DGUOK: variants seen among roughly 807,000 people sequenced by gnomAD.
DGUOK encodes deoxyguanosine kinase, mitochondrial.
Under a neutral mutation model 36.6 loss-of-function variants are expected in DGUOK, and 30 were observed. The observed-to-expected ratio is 0.82, with a 90% CI of 0.61 to 1.11. The LOEUF (loss-of-function observed/expected upper bound fraction) is 1.11, where lower values mean the gene tolerates loss of function less well. Ranked by LOEUF, DGUOK falls within the 50% of genes most tolerant of loss-of-function variation. The pLI is 0.00. For synonymous variants in DGUOK, 145 were observed against 126.3 expected, an observed-to-expected ratio of 1.15 and a Z score of -0.99; for missense variants, 361 against 336.4, an observed-to-expected ratio of 1.07 and a Z score of -0.57.
In DGUOK at chr2:73,927,035, C is replaced by A. The variant is rs764929207; in HGVS notation, c.125C>A (p.Ser42Tyr). Reference protein sequence around the residue: ...LHAGRGPRRLSIEGNIAVGKS... With the variant: ...LHAGRGPRRLYIEGNIAVGKS... ...GCGGGGCGCGGGCCCCGAAGGCTCT[C>A]CATCGAAGGCAACATTGGTAAGGGC... The change falls in exon 1 of 7, where the codon TCC (serine) becomes TAC (tyrosine). Residue 42 changes from serine to tyrosine, a missense_variant. Transcript: ENST00000264093. 2.5e-6 allele frequency: 4 copies of A among 1,609,770 alleles called. No homozygotes were observed. The East Asian group carries it at 8.9e-5, about 36-fold the overall frequency.
At chr2:73,931,204 G>A (rs959591829) in intron 1 of DGUOK, among the ~76,000 whole-genome samples, 1 of 152,224 alleles carries the variant, frequency 6.6e-6, no homozygotes. Flanking sequence ...AAGTGTTTCA[G>A]CCATAGAAAG....
At chr2:73,938,086 G>A (rs773709065) in intron 1 of DGUOK, among the ~76,000 whole-genome samples, 34 of 152,202 alleles carry the variant, frequency 2.2e-4, no homozygotes, top group Non-Finnish European at 4.1e-4. Flanking sequence ...TCCCTGTCTG[G>A]CCACACCCAT....
In DGUOK at chr2:73,926,954, T is replaced by A. The variant is rs1680635523; in HGVS notation, c.44T>A (p.Phe15Tyr). ...TTTCTAAGTCGGCTTCGAGCACCCTTCAGTTCCATGGCCAAGAGCCCACTC... is the reference window on the plus strand; with the variant it reads ...TTTCTAAGTCGGCTTCGAGCACCCTACAGTTCCATGGCCAAGAGCCCACTC... ...RLFLSRLRAP[F>Y]SSMAKSPLEG... is the part of the protein sequence containing the mutation. The change falls in exon 1 of 7, where the codon TTC (phenylalanine) becomes TAC (tyrosine). Residue 15 changes from phenylalanine to tyrosine, a missense_variant. Transcript: ENST00000264093. 3.1e-6 allele frequency: 5 copies of A among 1,613,408 alleles called. No homozygotes were observed. Among genetic ancestry groups the A allele is most frequent in the Non-Finnish European group, 4.2e-6 (5 of 1,180,022 alleles).
chr2:73,958,004 T>A (rs1035740816), intron 5 of DGUOK, 142 bp from the exon 6 acceptor site: 6 of 666,820 alleles, frequency 9.0e-6, no homozygotes, highest in African/African-American at 1.8e-5. Flanking sequence ...TTTGTTTTTT[T>A]AAATGCAGTT....
At chr2:73,928,478 T>C (rs532038697) in intron 1 of DGUOK, among the ~76,000 whole-genome samples, 37 of 152,290 alleles carry the variant, frequency 2.4e-4, no homozygotes, top group Middle Eastern at 3.4e-3. Flanking sequence ...GAAGGTGACA[T>C]CTGAGCAAAA....
intron 1 of DGUOK, among the ~76,000 whole-genome samples, chr2:73,936,407 A>G (rs906487212): frequency 2.0e-5 from 3 of 152,246 alleles, no homozygotes; most frequent in African/African-American, 7.2e-5. Flanking sequence ...ACAGATGTGA[A>G]GAAGCACACA....
At chr2:73,933,349 C>T (rs144828773) in intron 1 of DGUOK, among the ~76,000 whole-genome samples, 1 of 152,152 alleles carries the variant, frequency 6.6e-6, no homozygotes, top group African/African-American at 2.4e-5. Context: ...AAGTGAGCTC[C>T]CAGTCTAGCT....
At chr2:73,958,052 A>G in intron 5 of DGUOK, 94 bp from the exon 6 acceptor site, 2 of 938,154 alleles carry the variant, frequency 2.1e-6, no homozygotes, top group South Asian at 1.4e-5. Context: ...TTGAATTTAG[A>G]TCTGTTCTCT....
intron 6 of DGUOK, 35 bp from the exon 7 acceptor site, chr2:73,958,675 G>A (rs779177772): frequency 6.3e-7 from 1 of 1,591,370 alleles, no homozygotes; most frequent in South Asian, 1.1e-5. Flanking sequence ...TGTTAAAAAT[G>A]TGAAATTAAA....
chr2:73,951,540 G>A (rs1360901938), intron 4 of DGUOK, among the ~76,000 whole-genome samples: 1 of 152,002 alleles, frequency 6.6e-6, no homozygotes, highest in Non-Finnish European at 1.5e-5. Context: ...ACCACATACT[G>A]TTAGAAGGAA....
chr2:73,932,414 C>A (rs1438293151), intron 1 of DGUOK, among the ~76,000 whole-genome samples: 1 of 152,192 alleles, frequency 6.6e-6, no homozygotes, highest in African/African-American at 2.4e-5. Flanking sequence ...TCTGACCACT[C>A]AGTGTGCTGT....
intron 4 of DGUOK, among the ~76,000 whole-genome samples, chr2:73,955,834 A>G (rs1558667252): frequency 6.6e-6 from 1 of 152,154 alleles, no homozygotes; most frequent in Non-Finnish European, 1.5e-5. Context: ...AGATCGCGCC[A>G]CTGCACTCCA....
At chr2:73,942,208 C>A (rs2104922884) in intron 2 of DGUOK, among the ~76,000 whole-genome samples, 1 of 152,244 alleles carries the variant, frequency 6.6e-6, no homozygotes, top group East Asian at 1.9e-4. Context: ...CTGCGCCCGA[C>A]CATGTCATTT....
intron 3 of DGUOK, among the ~76,000 whole-genome samples, chr2:73,947,360 C>CT (rs968496661): frequency 1.4e-4 from 21 of 149,694 alleles, no homozygotes; most frequent in Admixed American, 3.3e-4. Flanking sequence ...TATTTTCAGC[C>CT]TTTTTTTTTT....
At chr2:73,930,240 A>G (rs1680907477) in intron 1 of DGUOK, among the ~76,000 whole-genome samples, 1 of 152,196 alleles carries the variant, frequency 6.6e-6, no homozygotes, top group Non-Finnish European at 1.5e-5. Context: ...GAGTGAATGT[A>G]GAGACAGAAG....
At chr2:73,934,878 A>G (rs564767196) in intron 1 of DGUOK, among the ~76,000 whole-genome samples, 1 of 152,068 alleles carries the variant, frequency 6.6e-6, no homozygotes, top group Non-Finnish European at 1.5e-5. Context: ...TTTGAGACCA[A>G]CCTGGGCAAC....
chr2:73,938,343 A>G (rs1051846988), intron 1 of DGUOK, among the ~76,000 whole-genome samples: 2 of 152,062 alleles, frequency 1.3e-5, no homozygotes, highest in Admixed American at 1.3e-4. Context: ...CACCTAACAC[A>G]ATATGTTAGT....
At chr2:73,950,550 C>G (rs1302095477) in intron 3 of DGUOK, 35 bp from the exon 4 acceptor site, 2 of 1,612,652 alleles carry the variant, frequency 1.2e-6, no homozygotes, top group Non-Finnish European at 1.7e-6. Context: ...TTCCCATTCT[C>G]CTGCCCTCCC....
intron 1 of DGUOK, among the ~76,000 whole-genome samples, chr2:73,934,464 A>C (rs962531671): frequency 6.6e-6 from 1 of 152,206 alleles, no homozygotes; most frequent in Non-Finnish European, 1.5e-5. Context: ...GAGTATATTG[A>C]AAGACAGGCC....
Sources: gnomAD v4.1 joint callset for allele counts (sites outside exome capture counted in the v4.1 genomes callset) on GRCh38, gnomAD v4.1.1 for gene constraint, MANE v1.5 for transcripts, NCBI Gene and HGNC (gene_info 2026-07-23, HGNC 2026-07-21) for gene names.